TSPAN9: variants seen among roughly 807,000 people sequenced by gnomAD.
The protein encoded by TSPAN9 is tetraspanin-9.
TSPAN9 carries 16 observed loss-of-function variants against 31.0 expected under a neutral mutation model. That is an observed-to-expected ratio of 0.52 (90% CI 0.35 to 0.78). The LOEUF (loss-of-function observed/expected upper bound fraction) is 0.78. Among genes scored for constraint, TSPAN9 ranks in the 30% least tolerant of loss-of-function variants. The pLI is 0.01. For synonymous variants in TSPAN9, 145 were observed against 121.6 expected (o/e 1.19, Z -1.27); for missense variants, 272 against 312.5 (o/e 0.87, Z 0.98).
chr12:3,268,710 G>A (rs371251737), intron 3 of TSPAN9, among the ~76,000 whole-genome samples: 10 of 84,584 alleles, frequency 1.2e-4, no homozygotes, highest in African/African-American at 2.3e-4. Flanking sequence ...CCCTCCGTGC[G>A]TTCCTGCAGC....
chr12:3,081,842 G>GTATATATATATA (rs1226231378), intron 1 of TSPAN9, among the ~76,000 whole-genome samples: 19,509 of 55,138 alleles, frequency 0.35, 2,382 homozygotes, highest in South Asian at 0.42. Context: ...GTGTCTGTGT[G>GTATATATATATA]TGTATATATA....
intron 3 of TSPAN9, among the ~76,000 whole-genome samples, chr12:3,224,583 G>A (rs2098386202): frequency 6.6e-6 from 1 of 152,190 alleles, no homozygotes; most frequent in Non-Finnish European, 1.5e-5. Flanking sequence ...TGGGAGAAGC[G>A]ACCCCTGGAC....
chr12:3,081,351 A>G (rs368761467), intron 1 of TSPAN9, among the ~76,000 whole-genome samples: 22 of 152,254 alleles, frequency 1.4e-4, no homozygotes, highest in African/African-American at 5.3e-4. Flanking sequence ...CTGCCTGTCT[A>G]GCCTTATCGC....
chr12:3,231,160 C>T (rs2098390549), intron 3 of TSPAN9, among the ~76,000 whole-genome samples: 1 of 152,004 alleles, frequency 6.6e-6, no homozygotes, highest in Non-Finnish European at 1.5e-5. Context: ...TCTTTCTACC[C>T]TGTGGAGTCT....
At chr12:3,260,227 GT>G (rs1255377334) in intron 3 of TSPAN9, among the ~76,000 whole-genome samples, 26 of 152,352 alleles carry the variant, frequency 1.7e-4, no homozygotes, top group Non-Finnish European at 3.4e-4. Flanking sequence ...TTTTGGCATA[GT>G]TTGTGCTTAA....
At chr12:3,243,229 G>A (rs545235357) in intron 3 of TSPAN9, among the ~76,000 whole-genome samples, 12 of 152,228 alleles carry the variant, frequency 7.9e-5, no homozygotes, top group African/African-American at 2.2e-4. Context: ...TCCCCATCTC[G>A]TTGTCTGCTG....
chr12:3,167,256 T>C lies in TSPAN9; in HGVS notation c.-17-33921T>C, dbSNP rs537926647. Among the ~76,000 whole-genome samples, 101 of 152,336 alleles carry C rather than the reference T, an allele frequency of 6.6e-4. 1 individual carries two copies. The highest frequency in any genetic ancestry group is 3.4e-3 in the Middle Eastern group (1 of 294). ...CTAATGAGATATCTCACTGTGACTG[T>C]TGATTTCACTGATGGCCAGTGAAGA... On this transcript the variant is annotated intron_variant, in intron 2 of 8. Transcript: ENST00000011898.
chr12:3,109,150 A>G (rs188065934), intron 2 of TSPAN9, among the ~76,000 whole-genome samples: 232 of 151,688 alleles, frequency 1.5e-3, no homozygotes, highest in East Asian at 2.4e-3. Flanking sequence ...GTTAGCCAGG[A>G]TGGTCTCGAT....
At chr12:3,162,679 G>A (rs1735001560) in intron 2 of TSPAN9, among the ~76,000 whole-genome samples, 1 of 152,084 alleles carries the variant, frequency 6.6e-6, no homozygotes, top group African/African-American at 2.4e-5. Context: ...CTGCTTTTGG[G>A]CCAGAAGAAG....
chr12:3,203,525 T>C (rs886173289), intron 3 of TSPAN9, among the ~76,000 whole-genome samples: 9 of 152,220 alleles, frequency 5.9e-5, no homozygotes, highest in Admixed American at 2.0e-4. Flanking sequence ...TTCGTTACGG[T>C]TGATAGCGAG....
chr12:3,263,637 C>A (rs1289366834), intron 3 of TSPAN9, among the ~76,000 whole-genome samples: 2 of 152,196 alleles, frequency 1.3e-5, no homozygotes, highest in Non-Finnish European at 2.9e-5. Flanking sequence ...TTATGAAAAC[C>A]AGGGCCTCTC....
At chr12:3,142,902 C>T (rs892489418) in intron 2 of TSPAN9, among the ~76,000 whole-genome samples, 2 of 152,192 alleles carry the variant, frequency 1.3e-5, no homozygotes, top group South Asian at 2.1e-4. Flanking sequence ...GCCTCCATTG[C>T]GTTGAGTTGT....
intron 2 of TSPAN9, among the ~76,000 whole-genome samples, chr12:3,117,009 A>C (rs935837518): frequency 1.3e-5 from 2 of 152,230 alleles, no homozygotes; most frequent in African/African-American, 4.8e-5. Context: ...CAGAAGAGTT[A>C]TTAAGCCTTT....
rs565101412 is a variant in TSPAN9, at chr12:3,147,390, C to T, written c.-17-53787C>T. 2.0e-5 allele frequency among the ~76,000 whole-genome samples: 3 copies of T among 152,086 alleles called. No individual in the cohort carries two copies. In the South Asian group the frequency reaches 6.2e-4, roughly 32 times the overall value. On this transcript the variant is annotated intron_variant, in intron 2 of 8. Coordinates refer to ENST00000011898, the MANE Select transcript of TSPAN9 (RefSeq NM_006675.5). The surrounding 1 kb of genome is among the most constrained non-coding windows in gnomAD (Gnocchi z 4.3). ...GCTGAGTGTTGGGGCCCGGGAGACC[C>T]TCGCCGAGGAGCAAGGTTGGTGGTG...
rs570047483 is a variant in TSPAN9, at chr12:3,142,180, C to T, written c.-18+58461C>T. On this transcript the variant is annotated intron_variant, in intron 2 of 8. Coordinates refer to ENST00000011898, the MANE Select transcript of TSPAN9 (RefSeq NM_006675.5). ...CTCTGCCTGACTGCTGCTGGGGTGA[C>T]GCTGCTGGGCCCAGATGCCCTCCAG... 3.3e-5 allele frequency among the ~76,000 whole-genome samples: 5 copies of T among 152,250 alleles called. No individual in the cohort carries two copies. The East Asian group carries it at 5.8e-4, about 18-fold the overall frequency.
chr12:3,250,656 C>A (rs575742878), intron 3 of TSPAN9, among the ~76,000 whole-genome samples: 2 of 152,368 alleles, frequency 1.3e-5, no homozygotes, highest in African/African-American at 4.8e-5. Flanking sequence ...CCTGGCCAGC[C>A]CATGCTGAGG....
rs1388421765 is a variant in TSPAN9, at chr12:3,143,502, C to T, written c.-17-57675C>T. Among the ~76,000 whole-genome samples the T allele has an allele frequency of 6.6e-6, 1 of 151,906 alleles. No homozygotes were observed. On this transcript the variant is annotated intron_variant, in intron 2 of 8. Transcript: ENST00000011898. The surrounding 1 kb of genome is among the most constrained non-coding windows in gnomAD (Gnocchi z 4.2). ...ATTGGAATTCTCCAAGAAGGAAGAG[C>T]TATTTCTTCTGTCCCACTTATTTAT...
At chr12:3,248,938 G>A (rs1042853404) in intron 3 of TSPAN9, among the ~76,000 whole-genome samples, 5 of 152,090 alleles carry the variant, frequency 3.3e-5, no homozygotes, top group South Asian at 2.1e-4. Context: ...GCCCCCCTCC[G>A]TACCCATGCC....
At chr12:3,095,411 C>T (rs1027227505) in intron 2 of TSPAN9, among the ~76,000 whole-genome samples, 55 of 149,928 alleles carry the variant, frequency 3.7e-4, no homozygotes, top group African/African-American at 1.3e-3. Flanking sequence ...GGGTGGTGGC[C>T]GGGCAGAGGG....
Sources: gnomAD v4.1 joint callset for allele counts (sites outside exome capture counted in the v4.1 genomes callset) on GRCh38, gnomAD v4.1.1 for gene constraint, Gnocchi (gnomAD v3.1) non-coding constraint, MANE v1.5 for transcripts, NCBI Gene and HGNC (gene_info 2026-07-23, HGNC 2026-07-21) for gene names.